TRHDE: variants seen among roughly 807,000 people sequenced by gnomAD.
TRHDE encodes thyrotropin-releasing hormone-degrading ectoenzyme.
In TRHDE, 72 loss-of-function variants were observed where a neutral mutation model predicts 125.7. That is an observed-to-expected ratio of 0.57 (90% CI 0.47 to 0.70). The LOEUF is 0.70. Among genes scored for constraint, TRHDE ranks in the 30% least tolerant of loss-of-function variants. The pLI is 0.00. For synonymous variants in TRHDE, 509 were observed against 509.1 expected (o/e 1.00, Z 0.00); for missense variants, 1,110 against 1,327.1 (o/e 0.84, Z 2.54).
chr12:72,361,662 T>G (rs1871090653), intron 2 of TRHDE, among the ~76,000 whole-genome samples: 1 of 150,212 alleles, frequency 6.7e-6, no homozygotes, highest in African/African-American at 2.4e-5. Context: ...GCTGCACCCA[T>G]TAACTCGTCA....
chr12:72,147,384 T>C (rs1207045383), intron 2 of TRHDE, among the ~76,000 whole-genome samples: 3 of 152,210 alleles, frequency 2.0e-5, no homozygotes, highest in Non-Finnish European at 4.4e-5. Flanking sequence ...AGTTCTATTC[T>C]GCCTTGTCAC....
chr12:72,391,699 A>T (rs1872616621), intron 3 of TRHDE, among the ~76,000 whole-genome samples: 1 of 152,146 alleles, frequency 6.6e-6, no homozygotes, highest in Admixed American at 6.5e-5. Context: ...TAGCTTCTTA[A>T]ATACATTGAG....
chr12:72,335,896 G>A (rs1565703113), intron 2 of TRHDE, among the ~76,000 whole-genome samples: 2 of 152,032 alleles, frequency 1.3e-5, no homozygotes, highest in Non-Finnish European at 2.9e-5. Context: ...AGAACATGAG[G>A]TTCATGAACA....
chr12:72,586,637 A>C (rs1871450259), intron 12 of TRHDE, among the ~76,000 whole-genome samples: 1 of 152,078 alleles, frequency 6.6e-6, no homozygotes, highest in Non-Finnish European at 1.5e-5. Flanking sequence ...CTTCCTTCCT[A>C]AACTAGGAAT....
At chr12:72,516,810 A>G (rs1592504809) in intron 6 of TRHDE, among the ~76,000 whole-genome samples, 1 of 152,028 alleles carries the variant, frequency 6.6e-6, no homozygotes, top group Non-Finnish European at 1.5e-5. Flanking sequence ...TTATTTTGAG[A>G]TACGTCCCAT....
chr12:72,460,889 G>A (rs1315238309), intron 3 of TRHDE, among the ~76,000 whole-genome samples: 2 of 152,036 alleles, frequency 1.3e-5, no homozygotes, highest in Non-Finnish European at 2.9e-5. Context: ...TGTGCATATG[G>A]GATCTATCCT....
At chr12:72,540,932 G>A (rs1051043843) in intron 6 of TRHDE, among the ~76,000 whole-genome samples, 5 of 151,592 alleles carry the variant, frequency 3.3e-5, no homozygotes, top group African/African-American at 1.2e-4. Context: ...TTTTGGTGGT[G>A]GTTGAAATTT....
intron 2 of TRHDE, chr12:72,262,451 A>C (rs1878972001): frequency 6.6e-6 from 1 of 152,200 alleles, no homozygotes; most frequent in South Asian, 2.1e-4. Flanking sequence ...TGTTTGGATG[A>C]TTATCACATC....
At chr12:72,135,129 C>T (rs1875952454) in intron 2 of TRHDE, among the ~76,000 whole-genome samples, 1 of 152,062 alleles carries the variant, frequency 6.6e-6, no homozygotes, top group Non-Finnish European at 1.5e-5. Context: ...GCAATAAGCC[C>T]AGGGCTTGTG....
chr12:72,261,356 G>C (rs530878066), intron 2 of TRHDE, among the ~76,000 whole-genome samples: 1 of 152,240 alleles, frequency 6.6e-6, no homozygotes, highest in East Asian at 1.9e-4. Context: ...TTAGTGTAAA[G>C]TTGTCTGGAC....
chr12:72,486,427 C>T (rs1292528605), intron 5 of TRHDE, among the ~76,000 whole-genome samples: 2 of 152,164 alleles, frequency 1.3e-5, no homozygotes, highest in African/African-American at 4.8e-5. Context: ...GATAAGACTC[C>T]TACTGTAGGG....
intron 2 of TRHDE, among the ~76,000 whole-genome samples, chr12:72,337,779 T>C (rs1324020803): frequency 1.3e-5 from 2 of 151,580 alleles, no homozygotes; most frequent in East Asian, 1.9e-4. Flanking sequence ...CTGTTCCTAA[T>C]ATGCATCTCT....
chr12:72,123,366 T>C (rs1371436433), intron 2 of TRHDE, among the ~76,000 whole-genome samples: 1 of 152,128 alleles, frequency 6.6e-6, no homozygotes, highest in Non-Finnish European at 1.5e-5. Flanking sequence ...ATATTCTCTC[T>C]ATATTAAAAA....
intron 2 of TRHDE, among the ~76,000 whole-genome samples, chr12:72,154,728 C>G (rs978093172): frequency 1.1e-4 from 16 of 152,224 alleles, no homozygotes; most frequent in Non-Finnish European, 1.6e-4. Context: ...GGCCCCCACT[C>G]TCTTCTGGCT....
chr12:72,348,544 G>A (rs961838020), intron 2 of TRHDE, among the ~76,000 whole-genome samples: 6 of 151,734 alleles, frequency 4.0e-5, no homozygotes, highest in African/African-American at 1.5e-4. Context: ...TCTTAACTGA[G>A]GTAAGTATAC....
At chr12:72,394,506 C>A (rs1872718186) in intron 3 of TRHDE, among the ~76,000 whole-genome samples, 1 of 152,174 alleles carries the variant, frequency 6.6e-6, no homozygotes, top group South Asian at 2.1e-4. Flanking sequence ...TATATGTGCA[C>A]ATTCCTTAAT....
At chr12:72,662,791 G>A (rs1200702829) in intron 18 of TRHDE, among the ~76,000 whole-genome samples, 1 of 151,666 alleles carries the variant, frequency 6.6e-6, no homozygotes, top group Non-Finnish European at 1.5e-5. Context: ...AGCTGAATTT[G>A]GAGCTATTTA....
intron 2 of TRHDE, among the ~76,000 whole-genome samples, chr12:72,198,178 A>G (rs1877482337): frequency 6.6e-6 from 1 of 152,090 alleles, no homozygotes; most frequent in African/African-American, 2.4e-5. Flanking sequence ...ATTGTATTGT[A>G]TGAATATACC....
intron 2 of TRHDE, among the ~76,000 whole-genome samples, chr12:72,113,387 T>G (rs1875366370): frequency 6.6e-6 from 1 of 151,552 alleles, no homozygotes; most frequent in African/African-American, 2.4e-5. Context: ...CACTTTAGGA[T>G]GCCGAGGTGC....
Sources: gnomAD v4.1 joint callset for allele counts (sites outside exome capture counted in the v4.1 genomes callset) on GRCh38, gnomAD v4.1.1 for gene constraint, MANE v1.5 for transcripts, NCBI Gene and HGNC (gene_info 2026-07-23, HGNC 2026-07-21) for gene names.